Variants in SDK1 observed in about 807,000 individuals in gnomAD.
SDK1 encodes the protein protein sidekick-1.
A neutral mutation model predicts 245.5 loss-of-function variants in SDK1; 157 were observed. The observed-to-expected ratio is 0.64, with a 90% CI of 0.56 to 0.73. The LOEUF (loss-of-function observed/expected upper bound fraction) is 0.73, where lower values mean the gene tolerates loss of function less well. SDK1 is among the 30% of genes least tolerant of loss of function. The pLI is 0.00. For missense variants in SDK1, 3,583 were observed against 3,002.3 expected (o/e 1.19, Z -4.52); for synonymous variants, 1,647 against 1,278.5 (o/e 1.29, Z -6.15).
chr7:3,730,468 G>T (rs185406858), intron 4 of SDK1, among the ~76,000 whole-genome samples: 10 of 152,270 alleles, frequency 6.6e-5, no homozygotes, highest in Admixed American at 2.6e-4. Flanking sequence ...GAAATGACAG[G>T]TGGGTAGGAC....
chr7:3,884,166 G>C (rs1278010596), intron 5 of SDK1, among the ~76,000 whole-genome samples: 1 of 150,632 alleles, frequency 6.6e-6, no homozygotes, highest in Admixed American at 6.6e-5. Context: ...CTGCAGCCTC[G>C]ACCTCCTGGG....
intron 4 of SDK1, among the ~76,000 whole-genome samples, chr7:3,745,391 A>T (rs1163537785): frequency 1.3e-5 from 2 of 152,146 alleles, no homozygotes; most frequent in African/African-American, 4.8e-5. Context: ...AATCCTATAA[A>T]ACCTTCACCC....
intron 5 of SDK1, among the ~76,000 whole-genome samples, chr7:3,825,866 G>A (rs1285960366): frequency 6.6e-6 from 1 of 152,166 alleles, no homozygotes; most frequent in African/African-American, 2.4e-5. Flanking sequence ...CTCTGACTTG[G>A]CTCGGGTTCC....
intron 4 of SDK1, among the ~76,000 whole-genome samples, chr7:3,691,738 G>A (rs1784441946): frequency 6.6e-6 from 1 of 152,192 alleles, no homozygotes; most frequent in Non-Finnish European, 1.5e-5. Context: ...ATGCGTAGAA[G>A]TCAGAGATTT....
At position 4,077,158 on chromosome 7, in the gene SDK1, T is replaced by C. The variant is rs1780738159; in HGVS notation, c.3171T>C (p.Thr1057=). Residue 1057 remains threonine, a synonymous_variant, in exon 21 of 45, where the codon ACT becomes ACC. Transcript: ENST00000404826. ...CTGCCGTGGGCACTGGCCTGGTGAC[T>C]TCATCCACCATTTCTTCTGGAGTGC... ...AVTAVGTGLV[T]SSTISSGVPP... is the part of the protein sequence containing the mutation. 2.5e-6 allele frequency: 4 copies of C among 1,614,228 alleles called. No homozygotes were observed. The highest frequency in any genetic ancestry group is 3.4e-6 in the Non-Finnish European group (4 of 1,180,040).
At chr7:3,888,349 C>T (rs780669468) in intron 5 of SDK1, among the ~76,000 whole-genome samples, 2 of 152,218 alleles carry the variant, frequency 1.3e-5, no homozygotes, top group African/African-American at 4.8e-5. Flanking sequence ...CCCACAGCAT[C>T]GGGGTGGAAC....
intron 5 of SDK1, among the ~76,000 whole-genome samples, chr7:3,903,975 A>G (rs1447906542): frequency 6.6e-6 from 1 of 152,048 alleles, no homozygotes; most frequent in African/African-American, 2.4e-5. Flanking sequence ...TTCCCCTTCC[A>G]CCATGAGTGG....
intron 1 of SDK1, among the ~76,000 whole-genome samples, chr7:3,505,095 T>C (rs958138282): frequency 3.3e-5 from 5 of 152,220 alleles, no homozygotes; most frequent in Non-Finnish European, 4.4e-5. Context: ...TTAAAAAATA[T>C]AGCTTGTACA....
chr7:4,220,038 A>G (rs977531942), intron 38 of SDK1, 71 bp from the exon 39 acceptor site: 15 of 1,541,898 alleles, frequency 9.7e-6, no homozygotes, highest in African/African-American at 6.9e-5. Flanking sequence ...TGTTATCGCA[A>G]CAGAACAGAC....
intron 44 of SDK1, among the ~76,000 whole-genome samples, chr7:4,247,748 C>T (rs1179746937): frequency 1.3e-5 from 2 of 152,232 alleles, no homozygotes; most frequent in Admixed American, 6.5e-5. Flanking sequence ...GTGCACTCCT[C>T]TGCTGCCCAC....
At position 4,245,724 on chromosome 7, in the gene SDK1, C is replaced by T; in HGVS notation, c.6300C>T (p.Asp2100=). ...SPGGLHYSDE[D]ICNKYNGAVL... ...GCGGCCTGCACTACTCAGACGAGGACATCTGCAACAAGTACAACGGCGCCG... is the reference window on the plus strand; with the variant it reads ...GCGGCCTGCACTACTCAGACGAGGATATCTGCAACAAGTACAACGGCGCCG... The change falls in exon 44 of 45, where the codon GAC becomes GAT. Residue 2100 remains aspartate, a synonymous_variant. Coordinates refer to ENST00000404826, the MANE Select transcript of SDK1 (RefSeq NM_152744.4). 1 of 1,614,126 alleles carries T rather than the reference C, an allele frequency of 6.2e-7. No homozygotes were observed. Among genetic ancestry groups the T allele is most frequent in the Non-Finnish European group, 8.5e-7 (1 of 1,180,020 alleles).
intron 1 of SDK1, among the ~76,000 whole-genome samples, chr7:3,352,268 T>C (rs1459234266): frequency 1.3e-5 from 2 of 151,710 alleles, no homozygotes; most frequent in Admixed American, 6.6e-5. Flanking sequence ...GGGAGGTTTT[T>C]TTTTTGATGT....
chr7:4,030,973 A>G (rs1787768878), intron 17 of SDK1, among the ~76,000 whole-genome samples: 1 of 152,186 alleles, frequency 6.6e-6, no homozygotes, highest in Admixed American at 6.5e-5. Flanking sequence ...AACACAAAGA[A>G]AGGACCAGGT....
At chr7:4,015,041 C>A (rs1786286581) in intron 16 of SDK1, among the ~76,000 whole-genome samples, 2 of 152,154 alleles carry the variant, frequency 1.3e-5, no homozygotes, top group African/African-American at 4.8e-5. Context: ...CTCTACCATA[C>A]TTCTCGGTAG....
chr7:4,192,368 C>T (rs953717127), intron 35 of SDK1, among the ~76,000 whole-genome samples: 5 of 152,184 alleles, frequency 3.3e-5, no homozygotes, highest in African/African-American at 4.8e-5. Context: ...CTCCGCCTCC[C>T]GGGTTCACAC....
intron 1 of SDK1, among the ~76,000 whole-genome samples, chr7:3,589,671 A>G (rs1780799823): frequency 6.6e-6 from 1 of 152,128 alleles, no homozygotes; most frequent in South Asian, 2.1e-4. Context: ...GTGCAGAGGA[A>G]CTGCCCTTTA....
At chr7:3,488,425 T>G (rs1198177204) in intron 1 of SDK1, among the ~76,000 whole-genome samples, 3 of 151,820 alleles carry the variant, frequency 2.0e-5, no homozygotes, top group Admixed American at 6.6e-5. Context: ...AACATTTCCC[T>G]TCTTTAGCTA....
At chr7:3,442,229 A>G (rs534652797) in intron 1 of SDK1, among the ~76,000 whole-genome samples, 1 of 152,316 alleles carries the variant, frequency 6.6e-6, no homozygotes, top group East Asian at 1.9e-4. Flanking sequence ...TTAGATAGCC[A>G]TGTCTTTTAT....
At chr7:3,758,149 T>C (rs1479039281) in intron 4 of SDK1, among the ~76,000 whole-genome samples, 2 of 152,214 alleles carry the variant, frequency 1.3e-5, no homozygotes, top group Non-Finnish European at 2.9e-5. Flanking sequence ...TGGGCATATG[T>C]TAAAACCGCC....
Sources: allele counts gnomAD v4.1 joint callset (sites outside exome capture counted in the v4.1 genomes callset), GRCh38; gene constraint gnomAD v4.1.1; transcripts MANE v1.5; gene names NCBI Gene and HGNC (gene_info 2026-07-23, HGNC 2026-07-21).